SETD3: variants seen among roughly 807,000 people sequenced by gnomAD.
SETD3 encodes the protein SET domain containing 3, actin N3(tau)-histidine methyltransferase.
In SETD3, 19 loss-of-function variants were observed where a neutral mutation model predicts 63.0. The observed-to-expected ratio is 0.30, with a 90% CI of 0.21 to 0.44. The LOEUF is 0.44. Among genes scored for constraint, SETD3 ranks in the 20% least tolerant of loss-of-function variants. SETD3 has a pLI of 1.00. For missense variants in SETD3, 587 were observed against 728.5 expected (o/e 0.81, Z 2.24); for synonymous variants, 286 against 264.1 (o/e 1.08, Z -0.80).
chr14:99,443,013 A>G (rs1392377938), intron 6 of SETD3, among the ~76,000 whole-genome samples: 1 of 152,172 alleles, frequency 6.6e-6, no homozygotes, highest in Non-Finnish European at 1.5e-5. Context: ...GCCTTGGCCA[A>G]GCCACCCCTT....
chr14:99,438,459 G>T (rs1301006661), intron 6 of SETD3, among the ~76,000 whole-genome samples: 1 of 152,214 alleles, frequency 6.6e-6, no homozygotes, highest in Non-Finnish European at 1.5e-5. Context: ...TAGGAATTTA[G>T]CATTGAAGAT....
Position 99,426,332 on chromosome 14 carries a change from C to G in SETD3, c.676-12398G>C, listed in dbSNP as rs550350164. 5.9e-5 allele frequency among the ~76,000 whole-genome samples: 9 copies of G among 152,302 alleles called. No individual in the cohort carries two copies. In the South Asian group the frequency reaches 6.2e-4, roughly 11 times the overall value. On this transcript the variant is annotated intron_variant, in intron 6 of 12. Transcript: ENST00000331768. ...CTCATTCAACAAATATTCACAGCAC[C>G]CACTCTGAGTGAAGTGGAAAAGCAG...
chr14:99,412,688 C>G (rs1892062233), intron 8 of SETD3: 2 of 342,368 alleles, frequency 5.8e-6, no homozygotes, highest in African/African-American at 4.2e-5. Flanking sequence ...TATGGCTTAG[C>G]AAACACATGT....
chr14:99,434,420 T>C (rs970469586), intron 6 of SETD3, among the ~76,000 whole-genome samples: 1 of 151,814 alleles, frequency 6.6e-6, no homozygotes, highest in African/African-American at 2.4e-5. Context: ...GAAAGGACAG[T>C]GGGGAGTTTT....
chr14:99,405,118 G>A (rs1180127811), intron 10 of SETD3, 87 bp downstream of exon 10: 22 of 1,502,230 alleles, frequency 1.5e-5, no homozygotes, highest in Non-Finnish European at 1.9e-5. Flanking sequence ...CTGGAGAGAA[G>A]TTTTATTAAC....
rs556777461 is a variant in SETD3 at position 99,451,352 on chromosome 14, A to C, written c.675+6927T>G. ...GGCCTCTGTTTCACAAACTGACATAAATTTTAGCTCCATTTCATACAAGCC... is the reference window on the plus strand; with the variant it reads ...GGCCTCTGTTTCACAAACTGACATACATTTTAGCTCCATTTCATACAAGCC... On this transcript the variant is annotated intron_variant, in intron 6 of 12. Transcript: ENST00000331768. Among the ~76,000 whole-genome samples the C allele has an allele frequency of 2.6e-5, 4 of 152,204 alleles. No homozygotes were observed. In the South Asian group the frequency reaches 8.3e-4, roughly 32 times the overall value.
intron 6 of SETD3, among the ~76,000 whole-genome samples, chr14:99,437,953 T>A (rs1414099945): frequency 6.6e-6 from 1 of 152,194 alleles, no homozygotes; most frequent in Non-Finnish European, 1.5e-5. Flanking sequence ...GAAGCCAACC[T>A]CCTTCTGGTT....
rs1227144635 is a variant in SETD3, at chr14:99,464,246, G to A, written c.104-668C>T. Among the ~76,000 whole-genome samples, 11 of 152,296 alleles carry A rather than the reference G, an allele frequency of 7.2e-5. No homozygotes were observed. In the East Asian group the frequency reaches 1.9e-3, roughly 27 times the overall value. On this transcript the variant is annotated intron_variant, in intron 2 of 12. Transcript: ENST00000331768. ...TGAAAGACTGCACACTGGGCACCCC[G>A]CCTATTGGCAGCTCTTTCTTTTCAC...
At chr14:99,423,766 G>A (rs1174250742) in intron 6 of SETD3, among the ~76,000 whole-genome samples, 1 of 152,012 alleles carries the variant, frequency 6.6e-6, no homozygotes, top group Non-Finnish European at 1.5e-5. Context: ...GAACAAAGAA[G>A]CAAGGCCAAA....
chr14:99,466,631 G>GAC (rs1566732583), intron 1 of SETD3, among the ~76,000 whole-genome samples: 3 of 150,386 alleles, frequency 2.0e-5, no homozygotes, highest in African/African-American at 5.0e-5. Flanking sequence ...GGGGGGGGGG[G>GAC]GGCATTCAAA....
intron 1 of SETD3, among the ~76,000 whole-genome samples, chr14:99,476,444 T>C (rs1012724939): frequency 1.3e-5 from 2 of 152,226 alleles, no homozygotes; most frequent in African/African-American, 2.4e-5. Context: ...CAGGTTAAAT[T>C]TGGGACATGG....
chr14:99,404,207 T>C lies in SETD3; in HGVS notation c.1177+18A>G, dbSNP rs1269545534. Reference sequence around the variant, plus strand: ...AAAAGAAAAAAGTCAACATCTCTTTTTTCCTGAAATGACTTACCTTCAGTC... The same window carrying C: ...AAAAGAAAAAAGTCAACATCTCTTTCTTCCTGAAATGACTTACCTTCAGTC... On this transcript the variant is annotated intron_variant, in intron 11 of 12. Transcript: ENST00000331768. The C allele has an allele frequency of 1.2e-6, 2 of 1,604,404 alleles. No homozygotes were observed. The highest frequency in any genetic ancestry group is 1.3e-5 in the African/African-American group (1 of 74,560).
chr14:99,440,823 T>C (rs1321780907), intron 6 of SETD3, among the ~76,000 whole-genome samples: 1 of 139,630 alleles, frequency 7.2e-6, no homozygotes, highest in Admixed American at 7.1e-5. Context: ...AGAAAGCACT[T>C]AAAAAAAAAA....
In SETD3 at chr14:99,463,639, G is replaced by A. The variant is rs1007164454; in HGVS notation, c.104-61C>T. Reference sequence around the variant, plus strand: ...CTCTTTCAACTTAACCTACTAGTCTGCACAAGAAAGAGGATTTGGACTTTG... The same window carrying A: ...CTCTTTCAACTTAACCTACTAGTCTACACAAGAAAGAGGATTTGGACTTTG... On this transcript the variant is annotated intron_variant, in intron 2 of 12. Coordinates refer to ENST00000331768, the MANE Select transcript of SETD3 (RefSeq NM_032233.3). 5.2e-6 allele frequency: 7 copies of A among 1,335,666 alleles called. No homozygotes were observed. The East Asian group carries it at 1.4e-4, about 27-fold the overall frequency. 82.7% of individuals were successfully genotyped at this position (1,335,666 alleles called of 1,614,324 possible). A position where few individuals can be genotyped will look rare whatever the true frequency, so the allele number is the denominator to read the frequency against.
intron 1 of SETD3, among the ~76,000 whole-genome samples, chr14:99,468,457 T>TA (rs1451715286): frequency 6.6e-6 from 1 of 152,220 alleles, no homozygotes; most frequent in Non-Finnish European, 1.5e-5. Flanking sequence ...CTTATGTATC[T>TA]AATGTATAAA....
intron 9 of SETD3, among the ~76,000 whole-genome samples, chr14:99,406,113 C>T (rs528542135): frequency 6.6e-6 from 1 of 152,290 alleles, no homozygotes; most frequent in Non-Finnish European, 1.5e-5. Context: ...ACAACAGATT[C>T]CCTTGCTTTT....
intron 6 of SETD3, among the ~76,000 whole-genome samples, chr14:99,449,978 C>T (rs1319035988): frequency 1.3e-5 from 2 of 152,166 alleles, no homozygotes; most frequent in Non-Finnish European, 2.9e-5. Flanking sequence ...GATAAACCAA[C>T]AGAATAGAAG....
At chr14:99,433,256 T>A (rs980609969) in intron 6 of SETD3, among the ~76,000 whole-genome samples, 1 of 152,142 alleles carries the variant, frequency 6.6e-6, no homozygotes, top group East Asian at 1.9e-4. Context: ...ATGGTTAAAA[T>A]GGCAAATTTC....
intron 8 of SETD3, among the ~76,000 whole-genome samples, chr14:99,409,017 G>A (rs1335367185): frequency 2.6e-5 from 4 of 152,306 alleles, no homozygotes; most frequent in Admixed American, 2.0e-4. Context: ...ATCTGCAGAC[G>A]CTGACCAGGT....
Sources: allele counts gnomAD v4.1 joint callset (sites outside exome capture counted in the v4.1 genomes callset), GRCh38; gene constraint gnomAD v4.1.1; transcripts MANE v1.5; gene names NCBI Gene and HGNC (gene_info 2026-07-23, HGNC 2026-07-21).